The following KIF27 variants were observed in gnomAD, a reference collection of about 807,000 sequenced individuals.
KIF27 encodes the protein kinesin family member 27.
KIF27 carries 84 observed loss-of-function variants against 141.8 expected under a neutral mutation model. The ratio of observed to expected loss-of-function variants is 0.59; its 90% CI spans 0.50 to 0.71. The LOEUF (loss-of-function observed/expected upper bound fraction) is 0.71, where lower values mean the gene tolerates loss of function less well. Ranked by LOEUF, KIF27 falls within the 30% of genes least tolerant of loss-of-function variation. The probability of loss-of-function intolerance (pLI) is 0.00; values close to 1 mark genes in which losing one functional copy is unlikely to be tolerated. For missense variants in KIF27, 1,306 were observed against 1,628.4 expected (o/e 0.80, Z 3.41); for synonymous variants, 471 against 569.5 (o/e 0.83, Z 2.46).
intron 17 of KIF27, among the ~76,000 whole-genome samples, chr9:83,839,264 T>C (rs565808017): frequency 7.6e-4 from 116 of 152,318 alleles, no homozygotes; most frequent in African/African-American, 2.5e-3. Flanking sequence ...TTGTTGAGGC[T>C]CACTCCAAAG....
intron 15 of KIF27, among the ~76,000 whole-genome samples, chr9:83,851,398 T>C (rs980088805): frequency 2.0e-5 from 3 of 151,756 alleles, no homozygotes; most frequent in African/African-American, 4.8e-5. Context: ...TCACCTCAGG[T>C]TGGAGTGCAG....
intron 13 of KIF27, among the ~76,000 whole-genome samples, chr9:83,863,014 C>T (rs1179453404): frequency 6.6e-6 from 1 of 152,118 alleles, no homozygotes; most frequent in Non-Finnish European, 1.5e-5. Context: ...GTGATTTTTG[C>T]ACACTGATTT....
chr9:83,884,162 CACCCCCATCAA>C (rs1951901286), intron 9 of KIF27, 144 bp from the exon 10 acceptor site: 1 of 547,066 alleles, frequency 1.8e-6, no homozygotes, highest in Admixed American at 3.5e-5. Flanking sequence ...TGTCCCCACC[CACCCCCATCAA>C]ACACAGCTTG....
chr9:83,889,783 G>C lies in KIF27; in HGVS notation c.1810-530C>G, dbSNP rs572615432. 3.9e-5 allele frequency among the ~76,000 whole-genome samples: 6 copies of C among 152,166 alleles called. No homozygotes were observed. In the South Asian group the frequency reaches 1.2e-3, roughly 32 times the overall value. On this transcript the variant is annotated intron_variant, in intron 6 of 17. Coordinates refer to ENST00000297814, the MANE Select transcript of KIF27 (RefSeq NM_017576.4). ...ACTTATTCTTTATACATGGTAGTTA[G>C]GTATAGCTGAATTAAGGCTCTAGGA...
At chr9:83,855,161 A>G (rs541749537) in intron 14 of KIF27, 2 of 152,236 alleles carry the variant, frequency 1.3e-5, no homozygotes, top group African/African-American at 2.4e-5. Context: ...CAGCCTCCCA[A>G]GTAACTGGGA....
At position 83,870,422 on chromosome 9, in the gene KIF27, G is replaced by A. The variant is rs369178484; in HGVS notation, c.2757+97C>T. On this transcript the variant is annotated intron_variant, in intron 12 of 17. Coordinates refer to ENST00000297814, the MANE Select transcript of KIF27 (RefSeq NM_017576.4). ...CCGCAGGTGATCCACCCACCTCGGC[G>A]TCCCAAAGTGCTAGGATTACAGGTG... The A allele has an allele frequency of 1.2e-4, 188 of 1,517,688 alleles. No homozygotes were observed. The African/African-American group carries it at 2.2e-3, about 18-fold the overall frequency. 94.0% of individuals were successfully genotyped at this position (1,517,688 alleles called of 1,614,324 possible).
chr9:83,878,287 C>CT (rs1353771539), intron 11 of KIF27, among the ~76,000 whole-genome samples: 1 of 150,630 alleles, frequency 6.6e-6, no homozygotes, highest in Admixed American at 6.6e-5. Flanking sequence ...TTAGAACATT[C>CT]ACACATTGCT....
At chr9:83,858,842 T>G in intron 14 of KIF27, 1 of 340,352 alleles carries the variant, frequency 2.9e-6, no homozygotes, top group Non-Finnish European at 5.5e-6. Flanking sequence ...CTCAAATCAT[T>G]TTCTATGTTC....
At chr9:83,894,103 T>C (rs973475162) in intron 5 of KIF27, among the ~76,000 whole-genome samples, 6 of 152,226 alleles carry the variant, frequency 3.9e-5, no homozygotes, top group Admixed American at 1.3e-4. Flanking sequence ...TATGATTTAA[T>C]TCATAAAACA....
intron 13 of KIF27, among the ~76,000 whole-genome samples, chr9:83,861,073 T>C (rs1949852447): frequency 6.6e-6 from 1 of 152,046 alleles, no homozygotes; most frequent in Admixed American, 6.6e-5. Context: ...TAGTCTTTTT[T>C]GTCTAGACGC....
intron 14 of KIF27, 158 bp downstream of exon 14, chr9:83,858,998 A>G: frequency 1.6e-6 from 1 of 642,390 alleles, no homozygotes. Context: ...AGCGTGGTTT[A>G]TGGTGCCAAA....
chr9:83,887,291 G>C (rs1664388490), intron 8 of KIF27, 95 bp from the exon 9 acceptor site: 2 of 806,586 alleles, frequency 2.5e-6, no homozygotes, highest in Non-Finnish European at 1.8e-6. Flanking sequence ...AAGCAATTTA[G>C]AGGTGGCAGT....
chr9:83,902,313 T>C (rs578207798), intron 4 of KIF27, among the ~76,000 whole-genome samples: 2 of 152,338 alleles, frequency 1.3e-5, no homozygotes, highest in South Asian at 2.1e-4. Flanking sequence ...CTGGGAACCA[T>C]GTTGTCTCAG....
chr9:83,842,124 G>C, intron 17 of KIF27, 113 bp downstream of exon 17: 4 of 1,230,322 alleles, frequency 3.3e-6, no homozygotes. Flanking sequence ...ACAAATAGAA[G>C]TATCTAATCC....
chr9:83,856,696 A>G (rs7036293), intron 14 of KIF27, among the ~76,000 whole-genome samples: 23,447 of 147,128 alleles, frequency 0.16, 2,047 homozygotes, highest in African/African-American at 0.21. Flanking sequence ...AGCTGAGATC[A>G]CGCCACTGCA....
At chr9:83,863,011 T>C (rs1950067737) in intron 13 of KIF27, among the ~76,000 whole-genome samples, 1 of 152,208 alleles carries the variant, frequency 6.6e-6, no homozygotes, top group South Asian at 2.1e-4. Flanking sequence ...CTTGTGATTT[T>C]TGCACACTGA....
At chr9:83,874,526 T>C (rs1951055779) in intron 11 of KIF27, among the ~76,000 whole-genome samples, 1 of 152,182 alleles carries the variant, frequency 6.6e-6, no homozygotes, top group Non-Finnish European at 1.5e-5. Flanking sequence ...TTGCATTAAG[T>C]AGAGGATACA....
rs773284705 is a variant in KIF27 at position 83,889,127 on chromosome 9, T to C, written c.1936A>G (p.Ser646Gly). ...TGGCCTTCTGATTCTTCATCATCAC[T>C]GTTATCAGAAAATTGGCAGTGGAGG... ...KVLHCQFSDN[S>G]DDEESEGQEK... Residue 646 changes from serine (S) to glycine (G), a missense_variant, in exon 7 of 18, where the codon AGT (serine) becomes GGT (glycine). Physicochemically the swap from Ser to Gly is moderately conservative, Grantham distance 56. Around this residue, in one of 4 missense-constraint regions of KIF27, gnomAD observed 596 missense variants for 751.6 expected, o/e 0.79. Coordinates refer to ENST00000297814, the MANE Select transcript of KIF27 (RefSeq NM_017576.4). 9.9e-6 allele frequency: 16 copies of C among 1,613,810 alleles called. No homozygotes were observed. Among genetic ancestry groups the C allele is most frequent in the Non-Finnish European group, 1.3e-5 (15 of 1,179,876 alleles).
At position 83,835,005 on chromosome 9, in the gene KIF27, A is replaced by C. The variant is rs1225931300; in HGVS notation, c.*1996T>G. 1.4e-5 allele frequency among the ~76,000 whole-genome samples: 2 copies of C among 147,730 alleles called. No individual in the cohort carries two copies. Among genetic ancestry groups the C allele is most frequent in the Non-Finnish European group, 3.0e-5 (2 of 67,436 alleles). On this transcript the variant is annotated 3_prime_UTR_variant, in exon 18 of 18. Coordinates refer to ENST00000297814, the MANE Select transcript of KIF27 (RefSeq NM_017576.4). ...GTGCCTTCAACAAAGCACAGCAATA[A>C]TATATTTAAATAAATATGTATTTAT...
Sources: allele counts gnomAD v4.1 joint callset (sites outside exome capture counted in the v4.1 genomes callset), GRCh38; gene constraint gnomAD v4.1.1; regional missense constraint gnomAD v4.1.1; transcripts MANE v1.5; gene names NCBI Gene and HGNC (gene_info 2026-07-23, HGNC 2026-07-21).